RGS6: variants seen among roughly 807,000 people sequenced by gnomAD.
The protein encoded by RGS6 is regulator of G protein signaling 6.
In RGS6, 30 loss-of-function variants were observed where a neutral mutation model predicts 78.5. That is an observed-to-expected ratio of 0.38 (90% CI 0.29 to 0.52). The LOEUF is 0.52. RGS6 is among the 20% of genes least tolerant of loss of function. The pLI is 0.85. For synonymous variants in RGS6, 206 were observed against 206.0 expected (o/e 1.00, Z 0.00); for missense variants, 495 against 609.7 (o/e 0.81, Z 1.98).
intron 3 of RGS6, among the ~76,000 whole-genome samples, chr14:72,358,893 T>C (rs2080904965): frequency 6.6e-6 from 1 of 152,242 alleles, no homozygotes; most frequent in African/African-American, 2.4e-5. Flanking sequence ...AAATCTCATC[T>C]TGATTTGTAA....
intron 2 of RGS6, among the ~76,000 whole-genome samples, chr14:72,157,118 G>C (rs2096783755): frequency 6.6e-6 from 1 of 152,158 alleles, no homozygotes; most frequent in Non-Finnish European, 1.5e-5. Flanking sequence ...GTCTAATATA[G>C]GAAGTGTTGA....
intron 3 of RGS6, among the ~76,000 whole-genome samples, chr14:72,404,524 C>A (rs1228885285): frequency 1.3e-5 from 2 of 152,172 alleles, no homozygotes; most frequent in African/African-American, 4.8e-5. Context: ...TGAGCTGTCC[C>A]CAGGTTGCAA....
At chr14:72,248,233 T>G (rs1345085442) in intron 2 of RGS6, among the ~76,000 whole-genome samples, 1 of 152,208 alleles carries the variant, frequency 6.6e-6, no homozygotes, top group Non-Finnish European at 1.5e-5. Flanking sequence ...CCAGATACTA[T>G]ATGACATGTA....
chr14:72,328,544 T>C (rs1232098173), intron 2 of RGS6, among the ~76,000 whole-genome samples: 1 of 151,970 alleles, frequency 6.6e-6, no homozygotes, highest in African/African-American at 2.4e-5. Context: ...GAAACTGAAG[T>C]GAAGGGGGTA....
chr14:72,416,862 C>T (rs1273735418), intron 3 of RGS6, among the ~76,000 whole-genome samples: 1 of 152,236 alleles, frequency 6.6e-6, no homozygotes, highest in Non-Finnish European at 1.5e-5. Context: ...CTCTCAATGT[C>T]TCAACAACAT....
At chr14:71,995,485 T>C (rs2283422) in intron 2 of RGS6, among the ~76,000 whole-genome samples, 35,210 of 152,140 alleles carry the variant, frequency 0.23, 4,294 homozygotes, top group South Asian at 0.25. Flanking sequence ...TGAGTCAAGC[T>C]GTCCGGTTTA....
chr14:72,582,213 T>C, the RGS6 span, among the ~76,000 whole-genome samples: 1 of 152,100 alleles, frequency 6.6e-6, no homozygotes, highest in Admixed American at 6.5e-5. Context: ...GGGGATCAAA[T>C]TTCAACATGA....
chr14:71,991,070 G>T lies in RGS6; in HGVS notation c.84+26195G>T. ...TTTGTCTCCCTAGGATATTGTAAATGCTTGGCACCAAGTAGGTGATAAATA... is the reference window on the plus strand; with the variant it reads ...TTTGTCTCCCTAGGATATTGTAAATTCTTGGCACCAAGTAGGTGATAAATA... On this transcript the variant is annotated intron_variant, in intron 2 of 17. Coordinates refer to ENST00000553525, the MANE Select transcript of RGS6 (RefSeq NM_001204424.2). 1.7e-5 allele frequency: 6 copies of T among 349,578 alleles called. 1 individual carries two copies. Among genetic ancestry groups the T allele is most frequent in the South Asian group, 1.3e-4 (6 of 45,724 alleles). 21.7% of individuals were successfully genotyped at this position (349,578 alleles called of 1,614,324 possible).
rs144618548 is a variant in RGS6 at position 72,220,134 on chromosome 14, C to T, written c.85-131961C>T. 4.1e-3 allele frequency among the ~76,000 whole-genome samples: 629 copies of T among 152,222 alleles called. 4 individuals are homozygous for T. The highest frequency in any genetic ancestry group is 0.015 in the African/African-American group (605 of 41,550). On this transcript the variant is annotated intron_variant, in intron 2 of 17. Coordinates refer to ENST00000553525, the MANE Select transcript of RGS6 (RefSeq NM_001204424.2). ...TCAAGAATGCAATCCCATTCATAAT[C>T]GCTACAAAAAGAATAAAATATCTAG...
At chr14:72,147,928 G>A (rs752674161) in intron 2 of RGS6, among the ~76,000 whole-genome samples, 6 of 152,054 alleles carry the variant, frequency 3.9e-5, no homozygotes, top group Non-Finnish European at 5.9e-5. Flanking sequence ...TCAGGAGATT[G>A]AGACCATCCT....
chr14:71,984,174 T>C (rs2094581416), intron 2 of RGS6, among the ~76,000 whole-genome samples: 2 of 151,996 alleles, frequency 1.3e-5, no homozygotes. Context: ...CACCCTATAT[T>C]ACAGATAAGG....
At chr14:71,871,512 C>A in the RGS6 span, among the ~76,000 whole-genome samples, 8 of 151,784 alleles carry the variant, frequency 5.3e-5, no homozygotes, top group Admixed American at 2.0e-4. Context: ...ATTTTTTTCC[C>A]TCTTTTGAAA....
At chr14:72,184,386 A>ACACACACACT (rs1397295472) in intron 2 of RGS6, among the ~76,000 whole-genome samples, 1 of 151,480 alleles carries the variant, frequency 6.6e-6, no homozygotes, top group Non-Finnish European at 1.5e-5. Flanking sequence ...ACACACACAC[A>ACACACACACT]CACACACACA....
At chr14:71,886,199 A>G in the RGS6 span, among the ~76,000 whole-genome samples, 1 of 152,194 alleles carries the variant, frequency 6.6e-6, no homozygotes, top group Non-Finnish European at 1.5e-5. Context: ...AATTCAGCCT[A>G]AATATTGCCT....
intron 2 of RGS6, among the ~76,000 whole-genome samples, chr14:72,247,607 C>T (rs927956077): frequency 1.3e-5 from 2 of 152,106 alleles, no homozygotes; most frequent in African/African-American, 4.8e-5. Flanking sequence ...TGAATGTGTC[C>T]CTCGAAGTTC....
intron 2 of RGS6, among the ~76,000 whole-genome samples, chr14:71,988,993 G>T (rs1287238731): frequency 6.6e-6 from 1 of 152,078 alleles, no homozygotes; most frequent in East Asian, 1.9e-4. Context: ...CAGGCATATT[G>T]AGCTGCTGGA....
At chr14:72,589,604 A>G in the RGS6 span, among the ~76,000 whole-genome samples, 1 of 151,950 alleles carries the variant, frequency 6.6e-6, no homozygotes, top group Non-Finnish European at 1.5e-5. Flanking sequence ...CACTATATAT[A>G]TATATCAAAA....
chr14:72,430,387 C>A (rs1203095357), intron 3 of RGS6, among the ~76,000 whole-genome samples: 3 of 152,160 alleles, frequency 2.0e-5, no homozygotes, highest in Non-Finnish European at 2.9e-5. Context: ...CACAAAAGCC[C>A]AAGAATGTTA....
rs2097693093 is a variant in RGS6 at position 72,562,999 on chromosome 14, TG to T, written c.*533del. ...GTCTCTGTGGCCACCCGGGTGTCAC[TG>T]CCAGCACCAGGCACTGCTTTCACGT... On this transcript the variant is annotated 3_prime_UTR_variant, in exon 18 of 18. Coordinates refer to ENST00000553525, the MANE Select transcript of RGS6 (RefSeq NM_001204424.2). The T allele has an allele frequency of 1.7e-6, 1 of 573,582 alleles. No homozygotes were observed. The highest frequency in any genetic ancestry group is 1.9e-5 in the African/African-American group (1 of 53,246). 35.5% of individuals were successfully genotyped at this position (573,582 alleles called of 1,614,324 possible).
Sources: gnomAD v4.1 joint callset for allele counts (sites outside exome capture counted in the v4.1 genomes callset) on GRCh38, gnomAD v4.1.1 for gene constraint, MANE v1.5 for transcripts, NCBI Gene and HGNC (gene_info 2026-07-23, HGNC 2026-07-21) for gene names.